The following RBMS3 variants were observed in gnomAD, a reference collection of about 807,000 sequenced individuals.
The protein encoded by RBMS3 is RNA binding motif single stranded interacting protein 3.
Under a neutral mutation model 66.8 loss-of-function variants are expected in RBMS3, and 27 were observed. The observed-to-expected ratio is 0.40, with a 90% CI of 0.30 to 0.56. The LOEUF (loss-of-function observed/expected upper bound fraction) is 0.56, where lower values mean the gene tolerates loss of function less well. Ranked by LOEUF, RBMS3 falls within the 20% of genes least tolerant of loss-of-function variation. RBMS3 has a pLI of 0.40. For synonymous variants in RBMS3, 188 were observed against 183.0 expected (o/e 1.03, Z -0.22); for missense variants, 513 against 549.5 (o/e 0.93, Z 0.66).
At chr3:29,558,014 A>G (rs1440651246) in intron 3 of RBMS3, among the ~76,000 whole-genome samples, 1 of 152,166 alleles carries the variant, frequency 6.6e-6, no homozygotes, top group African/African-American at 2.4e-5. Flanking sequence ...GGACAACAGG[A>G]TGAGATGAAA....
chr3:29,950,959 T>A (rs1577230832), intron 12 of RBMS3, among the ~76,000 whole-genome samples: 1 of 151,898 alleles, frequency 6.6e-6, no homozygotes, highest in East Asian at 1.9e-4. Flanking sequence ...CAGCTTAATC[T>A]ATTTTCCCTT....
intron 1 of RBMS3, among the ~76,000 whole-genome samples, chr3:29,408,086 C>G (rs1159833465): frequency 6.6e-6 from 1 of 151,684 alleles, no homozygotes; most frequent in African/African-American, 2.4e-5. Flanking sequence ...TCCTGGCTAA[C>G]ACGGTGAAAC....
At chr3:29,478,411 G>T (rs2043021514) in intron 2 of RBMS3, among the ~76,000 whole-genome samples, 1 of 152,256 alleles carries the variant, frequency 6.6e-6, no homozygotes, top group East Asian at 1.9e-4. Flanking sequence ...AAGTGACAAG[G>T]TAGCTTGCTG....
intron 2 of RBMS3, among the ~76,000 whole-genome samples, chr3:29,481,806 A>G (rs932282622): frequency 2.6e-5 from 4 of 152,192 alleles, no homozygotes; most frequent in African/African-American, 9.7e-5. Context: ...ATTAGATACT[A>G]GTGTCTGAGT....
chr3:29,611,743 A>T (rs935448048), intron 4 of RBMS3, among the ~76,000 whole-genome samples: 1 of 152,020 alleles, frequency 6.6e-6, no homozygotes, highest in Non-Finnish European at 1.5e-5. Flanking sequence ...ATATTAAAAC[A>T]TATTTTTAGG....
Position 29,991,188 on chromosome 3 carries a change from C to G in RBMS3, c.1286C>G (p.Ala429Gly). ...AVDTSNEHAPAYSYQQSKP is the reference protein window; with the variant it reads ...AVDTSNEHAPGYSYQQSKP The stretch of plus-strand genomic sequence containing the variant: ...GACACATCCAACGAACATGCACCTG[C>G]ATATTCTTACCAACAGTCTAAGTAA... Residue 429 changes from alanine (A) to glycine (G), a missense_variant, in exon 14 of 15, where the codon GCA becomes GGA. Transcript: ENST00000383767. 1.2e-6 allele frequency: 2 copies of G among 1,614,164 alleles called. No individual in the cohort carries two copies. The highest frequency in any genetic ancestry group is 1.7e-6 in the Non-Finnish European group (2 of 1,180,032).
At chr3:29,340,528 T>A (rs531993722) in intron 1 of RBMS3, among the ~76,000 whole-genome samples, 13 of 152,260 alleles carry the variant, frequency 8.5e-5, no homozygotes, top group Admixed American at 7.2e-4. Flanking sequence ...CAAAATCATA[T>A]GTGTTCATCA....
At chr3:29,932,121 G>A (rs1361181890) in intron 10 of RBMS3, among the ~76,000 whole-genome samples, 3 of 152,052 alleles carry the variant, frequency 2.0e-5, no homozygotes, top group Non-Finnish European at 4.4e-5. Flanking sequence ...TGTTATAATA[G>A]AAGCCAAACT....
rs71295051 is a variant in RBMS3, at chr3:29,796,712, C to CTTTTTTTTTTTTTTTTTTTTTTT, written c.637+33740_637+33741insTTTTTTTTTTTTTTTTTTTTTTT. The stretch of plus-strand genomic sequence containing the variant: ...TGAGAAGTAATATTTTGAAAGGAAT[C>CTTTTTTTTTTTTTTTTTTTTTTT]TTTTTTTTTTTTTTTTTGGAGATGG... On this transcript the variant is annotated intron_variant, in intron 6 of 14. Transcript: ENST00000383767. Among the ~76,000 whole-genome samples the CTTTTTTTTTTTTTTTTTTTTTTT allele has an allele frequency of 2.2e-4, 25 of 115,268 alleles. 2 individuals are homozygous for CTTTTTTTTTTTTTTTTTTTTTTT. Among genetic ancestry groups the CTTTTTTTTTTTTTTTTTTTTTTT allele is most frequent in the African/African-American group, 9.2e-4 (25 of 27,138 alleles). 75.6% of individuals were successfully genotyped at this position (115,268 alleles called of 152,430 possible).
chr3:29,739,458 G>GAA (rs56861996), intron 4 of RBMS3, among the ~76,000 whole-genome samples: 6,473 of 129,488 alleles, frequency 0.05, 234 homozygotes, highest in African/African-American at 0.081. Flanking sequence ...TCCGTCTCAA[G>GAA]AAAAAAAAAA....
At chr3:29,766,132 A>G (rs2055917772) in intron 6 of RBMS3, 2 of 152,026 alleles carry the variant, frequency 1.3e-5, no homozygotes, top group Non-Finnish European at 2.9e-5. Flanking sequence ...AATTGGTGCC[A>G]TATTCATACG....
intron 5 of RBMS3, among the ~76,000 whole-genome samples, chr3:29,751,182 C>A (rs555402875): frequency 6.6e-6 from 1 of 152,122 alleles, no homozygotes. Flanking sequence ...GTAAACAAAT[C>A]TTTTACTATC....
At chr3:29,340,514 A>T (rs1229489466) in intron 1 of RBMS3, among the ~76,000 whole-genome samples, 2 of 152,172 alleles carry the variant, frequency 1.3e-5, no homozygotes, top group Non-Finnish European at 2.9e-5. Context: ...AGTTTAATGA[A>T]TCTCAAAATC....
Position 29,281,621 on chromosome 3 carries a change from G to A in RBMS3, c.-61G>A. The A allele has an allele frequency of 7.1e-7, 1 of 1,407,398 alleles. No homozygotes were observed. 87.2% of individuals were successfully genotyped at this position (1,407,398 alleles called of 1,614,324 possible). ...GGAATAGTGGTTTAAGAGGAAGCTC[G>A]GCCTGGGGCACTATACCCTGTCATC... On this transcript the variant is annotated 5_prime_UTR_variant, in exon 1 of 15. Coordinates refer to ENST00000383767, the MANE Select transcript of RBMS3 (RefSeq NM_001003793.3).
chr3:29,568,291 A>G (rs2046815470), intron 3 of RBMS3, among the ~76,000 whole-genome samples: 1 of 152,198 alleles, frequency 6.6e-6, no homozygotes, highest in Non-Finnish European at 1.5e-5. Flanking sequence ...GAAATAGGCT[A>G]TTATGAGAAA....
At chr3:29,435,045 A>C in intron 2 of RBMS3, 130 bp downstream of exon 2, 2 of 993,856 alleles carry the variant, frequency 2.0e-6, no homozygotes, top group Non-Finnish European at 2.9e-6. Flanking sequence ...TACAAACAGG[A>C]CTTAAATTTG....
chr3:29,654,647 G>T (rs1339582908), intron 4 of RBMS3, among the ~76,000 whole-genome samples: 3 of 150,994 alleles, frequency 2.0e-5, no homozygotes, highest in Admixed American at 6.6e-5. Flanking sequence ...CTGGAGTGCC[G>T]TGGTGCAATC....
In RBMS3 at chr3:30,007,460, G is replaced by A. The variant is rs941410402; in HGVS notation, c.*3598G>A. ...CTTAAACATCAGGAAACAAACTAAA[G>A]CCACAATCCAAATGAGAGAAACACT... On this transcript the variant is annotated 3_prime_UTR_variant, in exon 15 of 15. Transcript: ENST00000383767. 3 of 151,984 alleles carry A rather than the reference G, an allele frequency of 2.0e-5. No individual in the cohort carries two copies. Among genetic ancestry groups the A allele is most frequent in the African/African-American group, 7.2e-5 (3 of 41,394 alleles). 9.4% of individuals were successfully genotyped at this position (151,984 alleles called of 1,614,324 possible).
chr3:29,388,076 C>T (rs980287729), intron 1 of RBMS3, among the ~76,000 whole-genome samples: 5 of 105,232 alleles, frequency 4.8e-5, no homozygotes, highest in African/African-American at 2.4e-4. Context: ...ACTGTCTACA[C>T]ACACACAGAC....
Sources: allele counts gnomAD v4.1 joint callset (sites outside exome capture counted in the v4.1 genomes callset), GRCh38; gene constraint gnomAD v4.1.1; transcripts MANE v1.5; gene names NCBI Gene and HGNC (gene_info 2026-07-23, HGNC 2026-07-21).